COL18A1: variants seen among roughly 807,000 people sequenced by gnomAD.
COL18A1 encodes collagen alpha-1(XVIII) chain.
A neutral mutation model predicts 168.0 loss-of-function variants in COL18A1; 133 were observed. The observed-to-expected ratio is 0.79, with a 90% CI of 0.69 to 0.91. The LOEUF is 0.91. COL18A1 is among the 40% of genes least tolerant of loss of function. The pLI is 0.00. For missense variants in COL18A1, 2,126 were observed against 1,925.4 expected (o/e 1.10, Z -1.95); for synonymous variants, 949 against 809.0 (o/e 1.17, Z -2.94).
At chr21:45,446,348 G>A (rs1337824120) in intron 2 of COL18A1, among the ~76,000 whole-genome samples, 1 of 152,130 alleles carries the variant, frequency 6.6e-6, no homozygotes, top group African/African-American at 2.4e-5. Flanking sequence ...CTTAAAACTG[G>A]GAATGTAAGT....
At chr21:45,492,237 C>T (rs929156229) in intron 22 of COL18A1, among the ~76,000 whole-genome samples, 2 of 152,152 alleles carry the variant, frequency 1.3e-5, no homozygotes, top group East Asian at 1.9e-4. Flanking sequence ...AAAAGCCTCC[C>T]GTAGGCCGAG....
At chr21:45,437,938 A>ACACACT (rs2034226370) in intron 2 of COL18A1, among the ~76,000 whole-genome samples, 1 of 73,674 alleles carries the variant, frequency 1.4e-5, no homozygotes, top group Non-Finnish European at 2.4e-5. Flanking sequence ...ACACACACAC[A>ACACACT]CACTCAGACA....
intron 29 of COL18A1, chr21:45,496,199 G>T: frequency 1.7e-6 from 1 of 585,998 alleles, no homozygotes; most frequent in Non-Finnish European, 3.2e-6. Flanking sequence ...TTGTCTCCCT[G>T]ATGTCAGCAG....
At position 45,504,521 on chromosome 21, in the gene COL18A1, GGCCCCCC is replaced by G. The variant is rs1568941008; in HGVS notation, c.2834_2840del (p.Gly945GlufsTer84). 2 of 1,348,998 alleles carry G rather than the reference GGCCCCCC, an allele frequency of 1.5e-6. No individual in the cohort carries two copies. Among genetic ancestry groups the G allele is most frequent in the Non-Finnish European group, 1.9e-6 (2 of 1,031,658 alleles). The allele number at this position is 1,348,998 out of a possible 1,614,324, so 83.6% of individuals were successfully genotyped here. A position where few individuals can be genotyped will look rare whatever the true frequency, so the allele number is the denominator to read the frequency against. On this transcript the variant is annotated frameshift_variant, in exon 34 of 42. Coordinates refer to ENST00000651438, the MANE Select transcript of COL18A1 (RefSeq NM_001379500.1). LOFTEE classifies it high-confidence loss of function. ...CCTGCCCGGCCCCCCCGGCCCCCCA[GGCCCCCC>G]AGGCCCACGTGGCTACCCTGGGATT... is the stretch of plus-strand genomic sequence containing the variant.
At chr21:45,491,091 G>T (rs960143816) in intron 21 of COL18A1, 134 bp from the exon 22 acceptor site, 26 of 885,716 alleles carry the variant, frequency 2.9e-5, no homozygotes, top group Non-Finnish European at 4.3e-5. Flanking sequence ...GGGGCTCCAA[G>T]GCCACAGTCC....
chr21:45,483,199 C>T (rs935434117), intron 15 of COL18A1, among the ~76,000 whole-genome samples: 34 of 151,660 alleles, frequency 2.2e-4, no homozygotes, highest in African/African-American at 3.4e-4. Context: ...AGAGGCTGCC[C>T]GTGGCCTGGG....
chr21:45,505,392 GC>G lies in COL18A1; in HGVS notation c.3053del (p.Pro1018LeufsTer13). On this transcript the variant is annotated frameshift_variant, in exon 36 of 42. Coordinates refer to ENST00000651438, the MANE Select transcript of COL18A1 (RefSeq NM_001379500.1). LOFTEE classifies it high-confidence loss of function. Reference sequence around the variant, plus strand: ...TTCCCGGCCCTCCGGGCCCCCCTGGGCCCCCTGGGCCCCCTGGAACCATGGG... The same window carrying G: ...TTCCCGGCCCTCCGGGCCCCCCTGGGCCCCTGGGCCCCCTGGAACCATGGG... ...SVPGPPGPPG[P>X]PGPPGTMGAS... 6.3e-7 allele frequency: 1 copy of G among 1,576,622 alleles called. No homozygotes were observed. The highest frequency in any genetic ancestry group is 8.7e-7 in the Non-Finnish European group (1 of 1,153,266).
chr21:45,449,480 C>T (rs1219481547), intron 2 of COL18A1, among the ~76,000 whole-genome samples: 1 of 152,182 alleles, frequency 6.6e-6, no homozygotes, highest in Non-Finnish European at 1.5e-5. Context: ...CAGGAATGTA[C>T]ATCCAGGGAA....
At chr21:45,503,867 G>A in intron 32 of COL18A1, 144 bp from the exon 33 acceptor site, 1 of 712,326 alleles carries the variant, frequency 1.4e-6, no homozygotes, top group South Asian at 1.7e-5. Flanking sequence ...CGGTTAACTA[G>A]GAAGAACCTA....
chr21:45,487,776 G>A (rs765460727), intron 17 of COL18A1, among the ~76,000 whole-genome samples: 30 of 152,196 alleles, frequency 2.0e-4, no homozygotes, highest in Non-Finnish European at 3.2e-4. Context: ...ACACGGGGCC[G>A]CATGCCCCCT....
intron 2 of COL18A1, among the ~76,000 whole-genome samples, chr21:45,466,467 A>T (rs550938325): frequency 4.5e-4 from 68 of 150,808 alleles, no homozygotes; most frequent in Non-Finnish European, 7.8e-4. Context: ...GAGCTCTCGC[A>T]CCCGGGAAGG....
chr21:45,405,475 TA>T lies in COL18A1; in HGVS notation c.106+4del. On this transcript the variant is annotated splice_donor_region_variant and intron_variant, in intron 2 of 41. Transcript: ENST00000651438. ...TCCGCGCGGCCTCCGCGGAGCCAGG[TA>T]AGACCCGGGCGGGACGGGAAGGTTC... The T allele has an allele frequency of 7.3e-7, 1 of 1,368,408 alleles. No individual in the cohort carries two copies. The highest frequency in any genetic ancestry group is 1.5e-5 in the South Asian group (1 of 65,704). The allele number at this position is 1,368,408 out of a possible 1,614,324, so 84.8% of individuals were successfully genotyped here. A position where few individuals can be genotyped will look rare whatever the true frequency, so the allele number is the denominator to read the frequency against.
intron 3 of COL18A1, among the ~76,000 whole-genome samples, chr21:45,472,232 T>C (rs1043983783): frequency 6.8e-6 from 1 of 147,370 alleles, no homozygotes; most frequent in Non-Finnish European, 1.5e-5. Flanking sequence ...TTTTTTTTTG[T>C]TTTTTTTTTG....
At position 45,480,834 on chromosome 21, in the gene COL18A1, TC is replaced by T. The variant is rs778909108; in HGVS notation, c.1593del (p.Pro534LeufsTer190). On this transcript the variant is annotated frameshift_variant, in exon 13 of 42. Coordinates refer to ENST00000651438, the MANE Select transcript of COL18A1 (RefSeq NM_001379500.1). LOFTEE classifies it high-confidence loss of function. ...TTCCTGGTGTGCCTGGGCGCGAGGG[TC>T]CCCCCGGGTTTCCTGGCCTCCCGGT... is the stretch of plus-strand genomic sequence containing the variant. ...GLPGVPGREG[P>X]PGFPGLPGPP... The T allele has an allele frequency of 1.9e-6, 3 of 1,610,912 alleles. No homozygotes were observed.
At chr21:45,409,829 C>T (rs1211964624) in intron 2 of COL18A1, 1 of 152,290 alleles carries the variant, frequency 6.6e-6, no homozygotes, top group African/African-American at 2.4e-5. Context: ...ATACCACACA[C>T]TGGATCTTTG....
intron 2 of COL18A1, among the ~76,000 whole-genome samples, chr21:45,445,693 G>A (rs1459458699): frequency 6.6e-6 from 1 of 150,380 alleles, no homozygotes; most frequent in East Asian, 1.9e-4. Context: ...GCATTTTCAT[G>A]ATGACTGATA....
At position 45,443,035 on chromosome 21, in the gene COL18A1, T is replaced by A. The variant is rs1257053507; in HGVS notation, c.107-25207T>A. On this transcript the variant is annotated intron_variant, in intron 2 of 41. Transcript: ENST00000651438. This position sits in a 1 kb window ranked among gnomAD's most constrained non-coding sequence, Gnocchi z 5.2. ...GATGTGGGTGGTGGTGGTGCTGATG[T>A]GGGCGGCGGTGCTGGTGTGGGCGGT... Among the ~76,000 whole-genome samples the A allele has an allele frequency of 8.9e-6, 1 of 112,288 alleles. No individual in the cohort carries two copies. The highest frequency in any genetic ancestry group is 1.8e-5 in the Non-Finnish European group (1 of 55,212). 73.7% of individuals were successfully genotyped at this position (112,288 alleles called of 152,430 possible). A position where few individuals can be genotyped will look rare whatever the true frequency, so the allele number is the denominator to read the frequency against.
At position 45,503,652 on chromosome 21, in the gene COL18A1, GGGA is replaced by G. The variant is rs1477885968; in HGVS notation, c.2684-356_2684-354del. 1.3e-3 allele frequency among the ~76,000 whole-genome samples: 144 copies of G among 111,534 alleles called. 1 individual carries two copies. The highest frequency in any genetic ancestry group is 6.6e-3 in the South Asian group (17 of 2,586). 73.2% of individuals were successfully genotyped at this position (111,534 alleles called of 152,430 possible). Reference sequence around the variant, plus strand: ...GGACTGTTGTGGGGTGGGGGGAGGGGGGAGGGATAGCATTGGGAGATATACCTA... The same window carrying G: ...GGACTGTTGTGGGGTGGGGGGAGGGGGGGATAGCATTGGGAGATATACCTA... On this transcript the variant is annotated intron_variant, in intron 32 of 41. Coordinates refer to ENST00000651438, the MANE Select transcript of COL18A1 (RefSeq NM_001379500.1).
chr21:45,415,488 G>C (rs1037255708), intron 2 of COL18A1, among the ~76,000 whole-genome samples: 7 of 152,234 alleles, frequency 4.6e-5, no homozygotes, highest in African/African-American at 1.7e-4. Flanking sequence ...TGGGGCAGGA[G>C]GAGGGGCAGG....
Sources: allele counts gnomAD v4.1 joint callset (sites outside exome capture counted in the v4.1 genomes callset), GRCh38; gene constraint gnomAD v4.1.1; non-coding constraint Gnocchi (gnomAD v3.1); transcripts MANE v1.5; gene names NCBI Gene and HGNC (gene_info 2026-07-23, HGNC 2026-07-21).